Variants in PRKG1 observed in about 807,000 individuals in gnomAD.
PRKG1 encodes the protein protein kinase cGMP-dependent 1.
PRKG1 carries 35 observed loss-of-function variants against 88.1 expected under a neutral mutation model. That is an observed-to-expected ratio of 0.40 (90% CI 0.30 to 0.53). PRKG1 has a LOEUF of 0.53. PRKG1 is among the 20% of genes least tolerant of loss of function. The pLI is 0.59. For synonymous variants in PRKG1, 303 were observed against 292.5 expected (o/e 1.04, Z -0.37); for missense variants, 540 against 839.8 (o/e 0.64, Z 4.41).
intron 3 of PRKG1, among the ~76,000 whole-genome samples, chr10:51,581,887 T>C (rs997362976): frequency 6.6e-6 from 1 of 152,050 alleles, no homozygotes; most frequent in African/African-American, 2.4e-5. Flanking sequence ...TATTACATAC[T>C]CTACCTAGTT....
intron 7 of PRKG1, among the ~76,000 whole-genome samples, chr10:52,072,520 C>A (rs1387813422): frequency 6.6e-6 from 1 of 152,102 alleles, no homozygotes; most frequent in Non-Finnish European, 1.5e-5. Context: ...TCCTACGGGG[C>A]AAGTCAACTT....
At chr10:51,470,954 G>A (rs1840032869) in intron 3 of PRKG1, among the ~76,000 whole-genome samples, 1 of 151,720 alleles carries the variant, frequency 6.6e-6, no homozygotes, top group Non-Finnish European at 1.5e-5. Context: ...AGATCTGATA[G>A]CACCAGGAAT....
At chr10:51,142,769 A>C (rs1043993672) in intron 1 of PRKG1, among the ~76,000 whole-genome samples, 2 of 152,086 alleles carry the variant, frequency 1.3e-5, no homozygotes, top group African/African-American at 2.4e-5. Context: ...ATGAAACGTT[A>C]GATATGGAAA....
At chr10:51,836,514 A>G (rs1013873020) in intron 4 of PRKG1, among the ~76,000 whole-genome samples, 4 of 152,064 alleles carry the variant, frequency 2.6e-5, no homozygotes, top group Non-Finnish European at 4.4e-5. Context: ...AGCATTTCCC[A>G]TATGTTTTCT....
At chr10:51,752,759 T>C (rs1484366506) in intron 3 of PRKG1, among the ~76,000 whole-genome samples, 2 of 152,188 alleles carry the variant, frequency 1.3e-5, no homozygotes, top group African/African-American at 2.4e-5. Flanking sequence ...AAAAGTCTGT[T>C]TGAAAACTGT....
chr10:51,205,127 CTTTTTTTTTTTTTTT>C (rs58176913), intron 2 of PRKG1, among the ~76,000 whole-genome samples: 2 of 64,030 alleles, frequency 3.1e-5, no homozygotes, highest in African/African-American at 1.2e-4. Flanking sequence ...ATTTTCTTTT[CTTTTTTTTTTTTTTT>C]TTTTTTTTTT....
Position 52,145,866 on chromosome 10 carries a change from A to G in PRKG1, c.1001+11961A>G, listed in dbSNP as rs147792502. ...TTGGATTAGCATCAGCCACAATAAC[A>G]GTGAAACTTCATTCCCAGACAGCTG... On this transcript the variant is annotated intron_variant, in intron 8 of 17. Transcript: ENST00000373980. Among the ~76,000 whole-genome samples the G allele has an allele frequency of 4.1e-3, 620 of 152,354 alleles. 3 individuals carry two copies. The highest frequency in any genetic ancestry group is 4.7e-3 in the Non-Finnish European group (319 of 68,038).
At chr10:51,640,612 T>C (rs2132296689) in intron 3 of PRKG1, among the ~76,000 whole-genome samples, 1 of 152,254 alleles carries the variant, frequency 6.6e-6, no homozygotes, top group Middle Eastern at 3.4e-3. Context: ...AGAAGATGCT[T>C]CCAGAAAAAA....
intron 1 of PRKG1, among the ~76,000 whole-genome samples, chr10:51,065,806 A>G (rs1843742851): frequency 6.6e-6 from 1 of 152,128 alleles, no homozygotes; most frequent in African/African-American, 2.4e-5. Flanking sequence ...CATAGTTTAC[A>G]GTCTAATGGG....
chr10:51,946,048 T>A (rs1188451935), intron 5 of PRKG1, among the ~76,000 whole-genome samples: 2 of 151,946 alleles, frequency 1.3e-5, no homozygotes, highest in Non-Finnish European at 2.9e-5. Flanking sequence ...TCCTGCAGAG[T>A]GTTTTCCAAC....
chr10:51,389,292 G>T (rs1564472538), intron 2 of PRKG1, among the ~76,000 whole-genome samples: 1 of 152,148 alleles, frequency 6.6e-6, no homozygotes, highest in African/African-American at 2.4e-5. Flanking sequence ...TACTCTTAGA[G>T]AAATAACTTT....
chr10:51,999,578 T>C (rs1184420746), intron 5 of PRKG1, among the ~76,000 whole-genome samples: 1 of 152,204 alleles, frequency 6.6e-6, no homozygotes, highest in African/African-American at 2.4e-5. Context: ...GTATTCTGTT[T>C]CTAAATATAT....
intron 2 of PRKG1, among the ~76,000 whole-genome samples, chr10:51,432,528 AT>A (rs1176832190): frequency 6.6e-6 from 1 of 152,166 alleles, no homozygotes; most frequent in Non-Finnish European, 1.5e-5. Context: ...GATGAATGAA[AT>A]GTGCCTTGTG....
chr10:51,810,676 A>G (rs1361890289), intron 4 of PRKG1, among the ~76,000 whole-genome samples: 2 of 151,984 alleles, frequency 1.3e-5, no homozygotes, highest in East Asian at 1.9e-4. Context: ...ACCTATTTAT[A>G]TATATGTATT....
intron 5 of PRKG1, among the ~76,000 whole-genome samples, chr10:52,025,016 G>T (rs1015635306): frequency 3.3e-5 from 5 of 152,018 alleles, no homozygotes; most frequent in Admixed American, 6.6e-5. Flanking sequence ...TTTAATGATC[G>T]CCATTCTAAC....
At chr10:51,752,250 T>A (rs866634796) in intron 3 of PRKG1, among the ~76,000 whole-genome samples, 12 of 152,310 alleles carry the variant, frequency 7.9e-5, no homozygotes, top group African/African-American at 2.6e-4. Context: ...TGTTGGATCA[T>A]TATTTGTTGC....
chr10:52,258,364 T>C lies in PRKG1; in HGVS notation c.1173+6698T>C, dbSNP rs1316912428. 9.4e-5 allele frequency among the ~76,000 whole-genome samples: 12 copies of C among 128,154 alleles called. 5 individuals carry two copies. The highest frequency in any genetic ancestry group is 2.2e-4 in the Non-Finnish European group (12 of 55,646). 84.1% of individuals were successfully genotyped at this position (128,154 alleles called of 152,430 possible). A position where few individuals can be genotyped will look rare whatever the true frequency, so the allele number is the denominator to read the frequency against. ...TATGACATAAATATTATTTCTTTAA[T>C]CCAAGAAATATTATTTCTTTAATAA... On this transcript the variant is annotated intron_variant, in intron 10 of 17. Transcript: ENST00000373980.
chr10:51,784,125 T>G (rs1838668605), intron 3 of PRKG1, among the ~76,000 whole-genome samples: 1 of 152,072 alleles, frequency 6.6e-6, no homozygotes, highest in Admixed American at 6.6e-5. Flanking sequence ...TCTGGCTGAG[T>G]TTGCCCTTTG....
At chr10:51,906,744 A>G (rs1842094392) in intron 4 of PRKG1, among the ~76,000 whole-genome samples, 1 of 152,186 alleles carries the variant, frequency 6.6e-6, no homozygotes, top group African/African-American at 2.4e-5. Flanking sequence ...GATTAGGGAA[A>G]AGACCTGGAA....
Sources: gnomAD v4.1 joint callset for allele counts (sites outside exome capture counted in the v4.1 genomes callset) on GRCh38, gnomAD v4.1.1 for gene constraint, MANE v1.5 for transcripts, NCBI Gene and HGNC (gene_info 2026-07-23, HGNC 2026-07-21) for gene names.